NUBPL: variants seen among roughly 807,000 people sequenced by gnomAD.
NUBPL encodes iron-sulfur cluster transfer protein NUBPL.
NUBPL carries 31 observed loss-of-function variants against 45.7 expected under a neutral mutation model. The observed-to-expected ratio is 0.68, with a 90% CI of 0.51 to 0.92. NUBPL has a LOEUF of 0.92. Ranked by LOEUF, NUBPL falls within the 40% of genes least tolerant of loss-of-function variation. NUBPL has a pLI of 0.00. For missense variants in NUBPL, 401 were observed against 398.7 expected (o/e 1.01, Z -0.05); for synonymous variants, 144 against 140.9 (o/e 1.02, Z -0.15).
chr14:31,610,814 A>G lies in NUBPL; in HGVS notation c.382+11435A>G, dbSNP rs548934637. ...TAATGTGATGCAGTGTATCAACAGAATGAAGGACTGAAACCATATGATCAT... is the reference window on the plus strand; with the variant it reads ...TAATGTGATGCAGTGTATCAACAGAGTGAAGGACTGAAACCATATGATCAT... On this transcript the variant is annotated intron_variant, in intron 4 of 10. Coordinates refer to ENST00000281081, the MANE Select transcript of NUBPL (RefSeq NM_025152.3). 1.1e-4 allele frequency among the ~76,000 whole-genome samples: 17 copies of G among 152,290 alleles called. No individual in the cohort carries two copies. In the East Asian group the frequency reaches 3.1e-3, roughly 28 times the overall value.
chr14:31,818,098 C>A (rs2039952666), intron 7 of NUBPL, among the ~76,000 whole-genome samples: 1 of 152,122 alleles, frequency 6.6e-6, no homozygotes, highest in Non-Finnish European at 1.5e-5. Context: ...GTAAAGGGAT[C>A]AATGCAACAA....
At chr14:31,694,424 G>A (rs2037168487) in intron 6 of NUBPL, among the ~76,000 whole-genome samples, 1 of 152,108 alleles carries the variant, frequency 6.6e-6, no homozygotes, top group African/African-American at 2.4e-5. Flanking sequence ...CACTCATTTA[G>A]TAATTATTTA....
intron 6 of NUBPL, among the ~76,000 whole-genome samples, chr14:31,722,172 GTTTTTGT>G (rs1367264360): frequency 6.6e-6 from 1 of 151,808 alleles, no homozygotes; most frequent in Non-Finnish European, 1.5e-5. Flanking sequence ...AATATTTTTG[GTTTTTGT>G]TTTTTGTTTT....
intron 4 of NUBPL, among the ~76,000 whole-genome samples, chr14:31,657,501 C>T (rs1595447651): frequency 6.6e-6 from 1 of 152,162 alleles, no homozygotes; most frequent in South Asian, 2.1e-4. Flanking sequence ...TTGTCTTTGG[C>T]TGTACCTCTA....
At position 31,685,940 on chromosome 14, in the gene NUBPL, A is replaced by C. The variant is rs563427647; in HGVS notation, c.513+12366A>C. Among the ~76,000 whole-genome samples the C allele has an allele frequency of 2.0e-5, 3 of 152,304 alleles. No individual in the cohort carries two copies. In the South Asian group the frequency reaches 6.2e-4, roughly 32 times the overall value. On this transcript the variant is annotated intron_variant, in intron 6 of 10. Coordinates refer to ENST00000281081, the MANE Select transcript of NUBPL (RefSeq NM_025152.3). The stretch of plus-strand genomic sequence containing the variant: ...AGTAGGTCCCAGGTATGGCCAAGGA[A>C]TTCACATTTTAATTAGATTATTCCA...
intron 6 of NUBPL, among the ~76,000 whole-genome samples, chr14:31,756,474 A>C (rs552071230): frequency 3.3e-5 from 5 of 152,030 alleles, no homozygotes; most frequent in East Asian, 1.9e-4. Flanking sequence ...TGTGAATGGG[A>C]GTTCACTCAT....
At chr14:31,712,336 A>C (rs1477082707) in intron 6 of NUBPL, among the ~76,000 whole-genome samples, 1 of 152,222 alleles carries the variant, frequency 6.6e-6, no homozygotes, top group African/African-American at 2.4e-5. Context: ...TACTCGCCGC[A>C]GGACTTTGCA....
At chr14:31,605,888 TG>T (rs2034578754) in intron 4 of NUBPL, among the ~76,000 whole-genome samples, 1 of 132,502 alleles carries the variant, frequency 7.5e-6, no homozygotes, top group Non-Finnish European at 1.6e-5. Flanking sequence ...TCCTCCTCCT[TG>T]TCTCCTCCCT....
chr14:31,701,573 A>G (rs1275435077), intron 6 of NUBPL, among the ~76,000 whole-genome samples: 1 of 152,062 alleles, frequency 6.6e-6, no homozygotes, highest in African/African-American at 2.4e-5. Context: ...GAGCTGTAAC[A>G]CTCACTGCGA....
rs546777943 is a variant in NUBPL, at chr14:31,809,103, T to C, written c.608-17526T>C. On this transcript the variant is annotated intron_variant, in intron 7 of 10. Transcript: ENST00000281081. The stretch of plus-strand genomic sequence containing the variant: ...CTTTTTTTGTTTTGTCTCTGCCAGG[T>C]TTTGGTATCAGGATGATGCTGGCCT... Among the ~76,000 whole-genome samples the C allele has an allele frequency of 3.1e-3, 466 of 152,136 alleles. 1 individual carries two copies. Among genetic ancestry groups the C allele is most frequent in the African/African-American group, 0.011 (446 of 41,484 alleles).
chr14:31,775,580 C>T (rs74043621), intron 6 of NUBPL, among the ~76,000 whole-genome samples: 1,627 of 152,298 alleles, frequency 0.011, 30 homozygotes, highest in African/African-American at 0.037. Flanking sequence ...TGTACCTCAT[C>T]CTACCCTTCT....
At chr14:31,683,094 A>C (rs1237196429) in intron 6 of NUBPL, among the ~76,000 whole-genome samples, 1 of 147,724 alleles carries the variant, frequency 6.8e-6, no homozygotes, top group Non-Finnish European at 1.5e-5. Flanking sequence ...TAAGGATGGC[A>C]CCAAGCTGTT....
intron 6 of NUBPL, among the ~76,000 whole-genome samples, chr14:31,683,210 A>T (rs144380109): frequency 0.015 from 2,259 of 152,004 alleles, 29 homozygotes; most frequent in Middle Eastern, 0.024. Flanking sequence ...TATCCAAACT[A>T]TAGCACCCTG....
At chr14:31,683,266 T>A (rs974717122) in intron 6 of NUBPL, among the ~76,000 whole-genome samples, 2 of 151,916 alleles carry the variant, frequency 1.3e-5, no homozygotes, top group African/African-American at 4.8e-5. Context: ...TATTGTGATA[T>A]ATTTTAACTA....
chr14:31,827,211 G>A (rs1315588936), intron 8 of NUBPL, among the ~76,000 whole-genome samples: 1 of 152,058 alleles, frequency 6.6e-6, no homozygotes, highest in Non-Finnish European at 1.5e-5. Context: ...AAAATTAGAT[G>A]GGGTTAGAAG....
intron 4 of NUBPL, among the ~76,000 whole-genome samples, chr14:31,629,656 C>T (rs1224297286): frequency 1.3e-5 from 2 of 152,016 alleles, no homozygotes; most frequent in Non-Finnish European, 2.9e-5. Flanking sequence ...TATAGGAGAT[C>T]AGAGAATGAC....
intron 6 of NUBPL, among the ~76,000 whole-genome samples, chr14:31,778,235 T>C (rs1246402277): frequency 6.6e-6 from 1 of 152,202 alleles, no homozygotes; most frequent in African/African-American, 2.4e-5. Flanking sequence ...TTCCCCTTTT[T>C]TGGGAGAAGG....
At position 31,579,194 on chromosome 14, in the gene NUBPL, A is replaced by C. The variant is rs182743190; in HGVS notation, c.291+14146A>C. On this transcript the variant is annotated intron_variant, in intron 3 of 10. Coordinates refer to ENST00000281081, the MANE Select transcript of NUBPL (RefSeq NM_025152.3). ...GGAGCCCTTTGCCAGTCACCATGGA[A>C]ACTGATGAAGGCTCTAGTTGTCCTT... is the stretch of plus-strand genomic sequence containing the variant. Among the ~76,000 whole-genome samples, 177 of 152,278 alleles carry C rather than the reference A, an allele frequency of 1.2e-3. 8 individuals are homozygous for C. The highest frequency in any genetic ancestry group is 0.012 in the Admixed American group (177 of 15,282).
chr14:31,695,908 T>C (rs1011016596), intron 6 of NUBPL, among the ~76,000 whole-genome samples: 1 of 152,272 alleles, frequency 6.6e-6, no homozygotes, highest in African/African-American at 2.4e-5. Flanking sequence ...TAATTTACTT[T>C]TATTTTTTGG....
Sources: gnomAD v4.1 joint callset for allele counts (sites outside exome capture counted in the v4.1 genomes callset) on GRCh38, gnomAD v4.1.1 for gene constraint, MANE v1.5 for transcripts, NCBI Gene and HGNC (gene_info 2026-07-23, HGNC 2026-07-21) for gene names.